The following ITGA8 variants were observed in gnomAD, a reference collection of about 807,000 sequenced individuals.
ITGA8 encodes the protein integrin subunit alpha 8, also known as integrin alpha-8.
Under a neutral mutation model 142.3 loss-of-function variants are expected in ITGA8, and 91 were observed. The ratio of observed to expected loss-of-function variants is 0.64; its 90% confidence interval spans 0.54 to 0.76. ITGA8 has a LOEUF of 0.76. ITGA8 is among the 30% of genes least tolerant of loss of function. The pLI is 0.00. For synonymous variants in ITGA8, 505 were observed against 485.2 expected, an observed-to-expected ratio of 1.04 and a Z score of -0.54; for missense variants, 1,406 against 1,327.7, an observed-to-expected ratio of 1.06 and a Z score of -0.92.
chr10:15,565,371 T>G (rs1834058810), intron 25 of ITGA8, among the ~76,000 whole-genome samples: 1 of 151,968 alleles, frequency 6.6e-6, no homozygotes, highest in African/African-American at 2.4e-5. Context: ...TTGTTTTGTT[T>G]TGTTTTGTTC....
intron 23 of ITGA8, among the ~76,000 whole-genome samples, chr10:15,580,385 A>G (rs1368265162): frequency 6.6e-6 from 1 of 152,122 alleles, no homozygotes; most frequent in Non-Finnish European, 1.5e-5. Flanking sequence ...CTTGTTCAAA[A>G]CCTTCGTACA....
intron 17 of ITGA8, among the ~76,000 whole-genome samples, chr10:15,607,177 A>G (rs1833210553): frequency 6.6e-6 from 1 of 152,254 alleles, no homozygotes; most frequent in African/African-American, 2.4e-5. Flanking sequence ...TAATTGTGTT[A>G]TAAATATTTT....
At chr10:15,695,669 G>A (rs1329878441) in intron 2 of ITGA8, among the ~76,000 whole-genome samples, 1 of 152,134 alleles carries the variant, frequency 6.6e-6, no homozygotes, top group African/African-American at 2.4e-5. Flanking sequence ...TCTCTTTATG[G>A]CAAGGACTGA....
chr10:15,561,406 T>G (rs1453709875), intron 25 of ITGA8, among the ~76,000 whole-genome samples: 1 of 151,964 alleles, frequency 6.6e-6, no homozygotes, highest in African/African-American at 2.4e-5. Flanking sequence ...CATTTAGCGT[T>G]CTTAACATAA....
intron 22 of ITGA8, among the ~76,000 whole-genome samples, chr10:15,587,220 C>T (rs1416687654): frequency 6.6e-6 from 1 of 152,154 alleles, no homozygotes; most frequent in African/African-American, 2.4e-5. Flanking sequence ...CCCGCCCAGC[C>T]AAAACTAACA....
chr10:15,557,950 C>A (rs781490545), intron 26 of ITGA8, 124 bp downstream of exon 26: 1 of 1,198,044 alleles, frequency 8.3e-7, no homozygotes, highest in Non-Finnish European at 1.2e-6. Flanking sequence ...CACTGCCAAA[C>A]GTTAGGAATA....
intron 24 of ITGA8, 138 bp from the exon 25 acceptor site, chr10:15,572,507 G>C: frequency 1.3e-6 from 1 of 766,742 alleles, no homozygotes; most frequent in Non-Finnish European, 2.0e-6. Context: ...TGGAAAATAA[G>C]AAAATTCAAA....
intron 10 of ITGA8, among the ~76,000 whole-genome samples, chr10:15,656,570 T>G (rs1027745496): frequency 1.3e-5 from 2 of 151,914 alleles, no homozygotes; most frequent in African/African-American, 4.8e-5. Flanking sequence ...CACCATGTTG[T>G]CCAGGCTGGT....
At chr10:15,628,826 C>T (rs1234765528) in intron 13 of ITGA8, among the ~76,000 whole-genome samples, 1 of 151,904 alleles carries the variant, frequency 6.6e-6, no homozygotes, top group African/African-American at 2.4e-5. Context: ...CAAAATATCT[C>T]ATGTACCCCA....
chr10:15,549,377 A>C (rs984865485), intron 26 of ITGA8, among the ~76,000 whole-genome samples: 2 of 151,368 alleles, frequency 1.3e-5, no homozygotes, highest in Non-Finnish European at 2.9e-5. Flanking sequence ...TGCCTGGCTA[A>C]TTTTTGTATT....
intron 9 of ITGA8, among the ~76,000 whole-genome samples, chr10:15,660,661 A>G (rs1834267842): frequency 6.6e-6 from 1 of 152,214 alleles, no homozygotes; most frequent in Non-Finnish European, 1.5e-5. Flanking sequence ...ACACTTCATT[A>G]TAAAATAGGC....
Position 15,684,029 on chromosome 10 carries a change from A to G in ITGA8, c.543T>C (p.Tyr181=), listed in dbSNP as rs749779976. Residue 181 remains tyrosine, a synonymous_variant, in exon 4 of 30, where the codon TAT becomes TAC. Transcript: ENST00000378076. ...TGTTCCGGCAAGGAGAGAACTCGGC[A>G]TAGGCGCTGAAGTTCTGAATTGCTA... ...CYVAIQNFSA[Y]AEFSPCRNSN... is the part of the protein sequence containing the mutation. The G allele has an allele frequency of 7.4e-6, 12 of 1,614,056 alleles. No individual in the cohort carries two copies. The South Asian group carries it at 1.2e-4, about 16-fold the overall frequency.
At chr10:15,652,467 G>C (rs926983775) in intron 11 of ITGA8, among the ~76,000 whole-genome samples, 1 of 144,534 alleles carries the variant, frequency 6.9e-6, no homozygotes, top group Non-Finnish European at 1.5e-5. Context: ...TTTTTTCCCT[G>C]ATGTTGAGAT....
rs1386499913 is a variant in ITGA8, at chr10:15,644,473, T to C, written c.1208-252A>G. The stretch of plus-strand genomic sequence containing the variant: ...ATATATATATATATATATATATATA[T>C]ATATATATATATATATATAGAATTT... On this transcript the variant is annotated intron_variant, in intron 12 of 29. Coordinates refer to ENST00000378076, the MANE Select transcript of ITGA8 (RefSeq NM_003638.3). Among the ~76,000 whole-genome samples the C allele has an allele frequency of 4.1e-4, 10 of 24,224 alleles. 1 individual carries two copies. Among genetic ancestry groups the C allele is most frequent in the East Asian group, 5.6e-3 (2 of 358 alleles). The allele number at this position is 24,224 out of a possible 152,430, so 15.9% of individuals were successfully genotyped here. A position where few individuals can be genotyped will look rare whatever the true frequency, so the allele number is the denominator to read the frequency against.
At chr10:15,529,704 G>A (rs946198764) in intron 28 of ITGA8, among the ~76,000 whole-genome samples, 4 of 152,200 alleles carry the variant, frequency 2.6e-5, no homozygotes, top group Non-Finnish European at 5.9e-5. Flanking sequence ...GGTTAATTTA[G>A]ATCACTGAAA....
intron 26 of ITGA8, among the ~76,000 whole-genome samples, chr10:15,553,670 C>A (rs1833833826): frequency 6.6e-6 from 1 of 152,088 alleles, no homozygotes; most frequent in Admixed American, 6.6e-5. Flanking sequence ...TGTCTTTTAT[C>A]CTAATATCCT....
chr10:15,552,993 A>C (rs2131562001), intron 26 of ITGA8, among the ~76,000 whole-genome samples: 1 of 152,312 alleles, frequency 6.6e-6, no homozygotes, highest in Non-Finnish European at 1.5e-5. Flanking sequence ...GCGGTGGCTC[A>C]CACCTATAAC....
intron 14 of ITGA8, 37 bp from the exon 15 acceptor site, chr10:15,613,804 C>G (rs1223184323): frequency 1.4e-6 from 2 of 1,456,316 alleles, no homozygotes; most frequent in Non-Finnish European, 1.9e-6. Context: ...TTAAATAAAA[C>G]ACAAGGGTGA....
At chr10:15,593,931 T>C (rs1832967515) in intron 21 of ITGA8, among the ~76,000 whole-genome samples, 1 of 148,202 alleles carries the variant, frequency 6.7e-6, no homozygotes, top group Admixed American at 6.8e-5. Flanking sequence ...AACCTCCACC[T>C]CCCAGATTCA....
Sources: gnomAD v4.1 joint callset for allele counts (sites outside exome capture counted in the v4.1 genomes callset) on GRCh38, gnomAD v4.1.1 for gene constraint, MANE v1.5 for transcripts, NCBI Gene and HGNC (gene_info 2026-07-23, HGNC 2026-07-21) for gene names.